Variants in DHX15 observed in about 807,000 individuals in gnomAD.
The protein encoded by DHX15 is DEAH-box helicase 15, also known as ATP-dependent RNA helicase DHX15.
A neutral mutation model predicts 94.4 loss-of-function variants in DHX15; 11 were observed. That is an observed-to-expected ratio of 0.12 (90% CI 0.07 to 0.19). DHX15 has a LOEUF of 0.19. Ranked by LOEUF, DHX15 falls within the 10% of genes least tolerant of loss-of-function variation. DHX15 has a pLI of 1.00. For synonymous variants in DHX15, 338 were observed against 329.9 expected (o/e 1.02, Z -0.27); for missense variants, 304 against 988.5 (o/e 0.31, Z 9.29).
At chr4:24,573,732 C>T (rs1251723320) in intron 2 of DHX15, among the ~76,000 whole-genome samples, 3 of 152,188 alleles carry the variant, frequency 2.0e-5, no homozygotes, top group Non-Finnish European at 4.4e-5. Context: ...CCACCTCCAC[C>T]TTCCCAAACC....
chr4:24,584,133 C>T, intron 1 of DHX15, 190 bp downstream of exon 1: 1 of 604,938 alleles, frequency 1.7e-6, no homozygotes, highest in Non-Finnish European at 2.8e-6. Context: ...CCCCGTCGCA[C>T]GCAACCCCCC....
At position 24,541,857 on chromosome 4, in the gene DHX15, C is replaced by T. The variant is rs747780213; in HGVS notation, c.1485+16G>A. 7.8e-6 allele frequency: 12 copies of T among 1,540,024 alleles called. No individual in the cohort carries two copies. Among genetic ancestry groups the T allele is most frequent in the African/African-American group, 1.4e-5 (1 of 72,340 alleles). ...ACATTTTAAACATATCGGCAGGAAACGACAATACCCCATACCTGCATTTCT... is the reference window on the plus strand; with the variant it reads ...ACATTTTAAACATATCGGCAGGAAATGACAATACCCCATACCTGCATTTCT... On this transcript the variant is annotated intron_variant, in intron 8 of 13. Coordinates refer to ENST00000336812, the MANE Select transcript of DHX15 (RefSeq NM_001358.3).
intron 3 of DHX15, chr4:24,563,149 A>T (rs1408394068): frequency 1.3e-5 from 2 of 150,784 alleles, no homozygotes; most frequent in Admixed American, 1.3e-4. Context: ...AATATATATA[A>T]TCTATATATA....
chr4:24,551,115 C>G (rs907642849), intron 5 of DHX15, among the ~76,000 whole-genome samples: 7 of 152,216 alleles, frequency 4.6e-5, no homozygotes, highest in Admixed American at 2.6e-4. Context: ...AAGAGAGAGA[C>G]AGATTATGTA....
intron 12 of DHX15, chr4:24,530,037 C>A (rs1179633303): frequency 2.0e-6 from 1 of 507,038 alleles, no homozygotes; most frequent in Non-Finnish European, 3.5e-6. Context: ...AAAAAACATT[C>A]CGTGAAGCAT....
At chr4:24,570,610 GGCAA>G (rs1011254426) in intron 3 of DHX15, 40 bp downstream of exon 3, 4 of 1,575,460 alleles carry the variant, frequency 2.5e-6, no homozygotes, top group Non-Finnish European at 3.5e-6. Flanking sequence ...AGCAGAAAAT[GGCAA>G]GCAGAGGACT....
At chr4:24,563,820 C>A (rs544248408) in intron 3 of DHX15, among the ~76,000 whole-genome samples, 51 of 152,112 alleles carry the variant, frequency 3.4e-4, no homozygotes, top group African/African-American at 1.2e-3. Context: ...AATCCCAGCA[C>A]TTTGGGAGGC....
intron 12 of DHX15, 31 bp from the exon 13 acceptor site, chr4:24,529,801 C>CA (rs1721036602): frequency 6.2e-7 from 1 of 1,610,202 alleles, no homozygotes; most frequent in Admixed American, 1.7e-5. Flanking sequence ...ATTATTAATA[C>CA]AATGCTTCTG....
chr4:24,527,859 G>C lies in DHX15; in HGVS notation c.*65C>G. On this transcript the variant is annotated 3_prime_UTR_variant, in exon 14 of 14. Coordinates refer to ENST00000336812, the MANE Select transcript of DHX15 (RefSeq NM_001358.3). ...CGAACCAACGTGAAGAGCACAACTC[G>C]AACTTTTGAGTTCATTCATCTTTTA... 8.4e-7 allele frequency: 1 copy of C among 1,193,106 alleles called. No individual in the cohort carries two copies. Among genetic ancestry groups the C allele is most frequent in the South Asian group, 1.3e-5 (1 of 79,022 alleles). The allele number at this position is 1,193,106 out of a possible 1,614,324, so 73.9% of individuals were successfully genotyped here. A position where few individuals can be genotyped will look rare whatever the true frequency, so the allele number is the denominator to read the frequency against.
rs1277755045 is a variant in DHX15 at position 24,547,928 on chromosome 4, T to C, written c.1248+927A>G. On this transcript the variant is annotated intron_variant, in intron 6 of 13. Coordinates refer to ENST00000336812, the MANE Select transcript of DHX15 (RefSeq NM_001358.3). ...GTATATATATATATATATATATATA[T>C]ATATATATATATATCTATATCTATA... Among the ~76,000 whole-genome samples, 44 of 55,250 alleles carry C rather than the reference T, an allele frequency of 8.0e-4. 2 individuals are homozygous for C. The highest frequency in any genetic ancestry group is 3.4e-3 in the African/African-American group (42 of 12,428). The allele number at this position is 55,250 out of a possible 152,430, so 36.2% of individuals were successfully genotyped here. A position where few individuals can be genotyped will look rare whatever the true frequency, so the allele number is the denominator to read the frequency against.
At position 24,566,431 on chromosome 4, in the gene DHX15, C is replaced by T. The variant is rs141916325; in HGVS notation, c.701+4223G>A. 3.4e-4 allele frequency among the ~76,000 whole-genome samples: 52 copies of T among 152,288 alleles called. No homozygotes were observed. In the East Asian group the frequency reaches 8.7e-3, roughly 25 times the overall value. ...AGTTGGTGCTTCAGTCAGCTGTTTC[C>T]AGAGGCACCAAAGAATCCGCTATGG... On this transcript the variant is annotated intron_variant, in intron 3 of 13. Transcript: ENST00000336812.
At chr4:24,569,810 A>G (rs957002296) in intron 3 of DHX15, among the ~76,000 whole-genome samples, 4 of 152,142 alleles carry the variant, frequency 2.6e-5, no homozygotes, top group African/African-American at 9.7e-5. Flanking sequence ...GCTCAGGTTC[A>G]AATGCAGTAG....
chr4:24,564,342 G>A (rs1227332620), intron 3 of DHX15, among the ~76,000 whole-genome samples: 5 of 152,144 alleles, frequency 3.3e-5, no homozygotes, highest in Non-Finnish European at 4.4e-5. Context: ...GGGGTACTAC[G>A]AAGAAATTAT....
At position 24,548,931 on chromosome 4, in the gene DHX15, G is replaced by A; in HGVS notation, c.1172C>T (p.Thr391Ile). 6.2e-7 allele frequency: 1 copy of A among 1,613,820 alleles called. No homozygotes were observed. Among genetic ancestry groups the A allele is most frequent in the Non-Finnish European group, 8.5e-7 (1 of 1,179,828 alleles). ...GDIKIIPLYS[T>I]LPPQQQQRIF... is the part of the protein sequence containing the mutation. The stretch of plus-strand genomic sequence containing the variant: ...GCGTTGCTGCTGCTGAGGTGGAAGT[G>A]TAGAATACAATGGAATGATTTTAAT... Residue 391 changes from threonine to isoleucine, a missense_variant, in exon 6 of 14, where the codon ACA (threonine) becomes ATA (isoleucine). Thr to Ile is a moderately conservative substitution (Grantham distance 89). Coordinates refer to ENST00000336812, the MANE Select transcript of DHX15 (RefSeq NM_001358.3).
At chr4:24,536,770 C>T (rs984454264) in intron 11 of DHX15, among the ~76,000 whole-genome samples, 6 of 151,920 alleles carry the variant, frequency 3.9e-5, no homozygotes, top group Non-Finnish European at 8.8e-5. Flanking sequence ...TATATAAAAA[C>T]GTGTATGTTA....
In DHX15 at chr4:24,548,945, A is replaced by T; in HGVS notation, c.1158T>A (p.Ile386=). 1 of 1,613,872 alleles carries T rather than the reference A, an allele frequency of 6.2e-7. No individual in the cohort carries two copies. Among genetic ancestry groups the T allele is most frequent in the Non-Finnish European group, 8.5e-7 (1 of 1,179,848 alleles). ...LGPEVGDIKI[I]PLYSTLPPQQ... is the part of the protein sequence containing the mutation. Reference sequence around the variant, plus strand: ...GAGGTGGAAGTGTAGAATACAATGGAATGATTTTAATGTCACCAACTTCAG... The same window carrying T: ...GAGGTGGAAGTGTAGAATACAATGGTATGATTTTAATGTCACCAACTTCAG... The change falls in exon 6 of 14, where the codon ATT becomes ATA. Residue 386 remains isoleucine (I), a synonymous_variant. Transcript: ENST00000336812.
chr4:24,532,750 AT>A (rs2109391929), intron 12 of DHX15, 113 bp downstream of exon 12: 5 of 750,510 alleles, frequency 6.7e-6, no homozygotes, highest in Non-Finnish European at 8.5e-6. Flanking sequence ...TTTAAGATAA[AT>A]TTTTATGAGC....
At chr4:24,560,123 C>T (rs140180898) in intron 3 of DHX15, among the ~76,000 whole-genome samples, 2 of 152,128 alleles carry the variant, frequency 1.3e-5, no homozygotes, top group African/African-American at 4.8e-5. Context: ...ATGATCTCAG[C>T]AAGATGACGA....
At chr4:24,566,607 C>G (rs1315894506) in intron 3 of DHX15, among the ~76,000 whole-genome samples, 1 of 152,102 alleles carries the variant, frequency 6.6e-6, no homozygotes, top group Non-Finnish European at 1.5e-5. Context: ...GGGTGGATCA[C>G]TTGACGTCAG....
Sources: gnomAD v4.1 joint callset for allele counts (sites outside exome capture counted in the v4.1 genomes callset) on GRCh38, gnomAD v4.1.1 for gene constraint, MANE v1.5 for transcripts, NCBI Gene and HGNC (gene_info 2026-07-23, HGNC 2026-07-21) for gene names.